IQCM: variants seen among roughly 807,000 people sequenced by gnomAD.
IQCM encodes the protein IQ motif containing M.
Under a neutral mutation model 57.6 loss-of-function variants are expected in IQCM, and 45 were observed. That is an observed-to-expected ratio of 0.78 (90% CI 0.62 to 1.00). The LOEUF (loss-of-function observed/expected upper bound fraction) is 1.00, where lower values mean the gene tolerates loss of function less well. IQCM is among the 50% of genes least tolerant of loss of function. IQCM has a pLI of 0.00. For missense variants in IQCM, 468 were observed against 511.6 expected (o/e 0.91, Z 0.82); for synonymous variants, 148 against 158.9 (o/e 0.93, Z 0.51).
At chr4:149,744,795 C>T (rs1162885020) in intron 2 of IQCM, among the ~76,000 whole-genome samples, 1 of 151,916 alleles carries the variant, frequency 6.6e-6, no homozygotes. Flanking sequence ...ATATTTAGTG[C>T]CTGAGCTGTG....
intron 9 of IQCM, among the ~76,000 whole-genome samples, chr4:149,584,101 AT>A (rs1752452802): frequency 6.6e-6 from 1 of 151,596 alleles, no homozygotes; most frequent in Non-Finnish European, 1.5e-5. Flanking sequence ...GAGGTATTTA[AT>A]TTTTTAAGAC....
chr4:149,690,626 G>A (rs1000434574), intron 5 of IQCM, among the ~76,000 whole-genome samples: 5 of 152,062 alleles, frequency 3.3e-5, no homozygotes, highest in African/African-American at 1.2e-4. Context: ...CATAGATTAT[G>A]TGCAAATACA....
chr4:149,388,585 TATATACATATATACAC>T (rs1731608796), intron 13 of IQCM, among the ~76,000 whole-genome samples: 1 of 99,616 alleles, frequency 1.0e-5, no homozygotes, highest in Non-Finnish European at 2.0e-5. Flanking sequence ...TATATATACA[TATATACATATATACAC>T]ATATATAGGC....
chr4:149,711,327 CTG>C (rs1764544816), intron 5 of IQCM, among the ~76,000 whole-genome samples: 1 of 152,170 alleles, frequency 6.6e-6, no homozygotes, highest in Non-Finnish European at 1.5e-5. Context: ...ATGTAGCACA[CTG>C]TATGAATTAA....
At chr4:149,660,218 AAC>A (rs1388407581) in intron 7 of IQCM, among the ~76,000 whole-genome samples, 1 of 150,632 alleles carries the variant, frequency 6.6e-6, no homozygotes. Context: ...GCAGCCAAAA[AAC>A]ACATGAAAAA....
At chr4:149,726,082 A>AGAAG (rs1765877967) in intron 5 of IQCM, among the ~76,000 whole-genome samples, 1 of 123,876 alleles carries the variant, frequency 8.1e-6, no homozygotes, top group Non-Finnish European at 1.9e-5. Flanking sequence ...AAAGAAAGAA[A>AGAAG]GAAAGAAAGA....
At chr4:149,627,954 G>C (rs185317543) in intron 7 of IQCM, among the ~76,000 whole-genome samples, 5 of 152,172 alleles carry the variant, frequency 3.3e-5, no homozygotes, top group Non-Finnish European at 1.5e-5. Context: ...AAGGAATGCA[G>C]GTGGCCTCCA....
intron 10 of IQCM, among the ~76,000 whole-genome samples, chr4:149,555,683 A>G (rs1749512383): frequency 6.6e-6 from 1 of 152,138 alleles, no homozygotes; most frequent in African/African-American, 2.4e-5. Context: ...GCTTAAATCT[A>G]TAAGTGGATT....
intron 2 of IQCM, among the ~76,000 whole-genome samples, chr4:149,814,200 T>C (rs1173533250): frequency 6.6e-6 from 1 of 151,976 alleles, no homozygotes. Flanking sequence ...TACAGAGAAT[T>C]ATGTTTTAAA....
In IQCM at chr4:149,445,460, G is replaced by A. The variant is rs975647694; in HGVS notation, c.1229-11903C>T. 5.9e-5 allele frequency among the ~76,000 whole-genome samples: 9 copies of A among 151,796 alleles called. 1 individual carries two copies. In the South Asian group the frequency reaches 1.5e-3, roughly 25 times the overall value. ...GGTATATAATTTAAAAATTAAGATT[G>A]AAGTCAATATAATAAACCATCCACC... On this transcript the variant is annotated intron_variant, in intron 12 of 13. Coordinates refer to ENST00000636793, the MANE Select transcript of IQCM (RefSeq NM_001363507.2).
At chr4:149,364,227 A>G (rs982027674) in intron 13 of IQCM, among the ~76,000 whole-genome samples, 6 of 152,166 alleles carry the variant, frequency 3.9e-5, no homozygotes, top group Non-Finnish European at 8.8e-5. Flanking sequence ...CTCAACGATA[A>G]AAGTCACATA....
At chr4:149,498,460 G>A (rs1045985204) in intron 12 of IQCM, among the ~76,000 whole-genome samples, 4 of 152,218 alleles carry the variant, frequency 2.6e-5, no homozygotes, top group South Asian at 4.1e-4. Flanking sequence ...GCCAGGCTTC[G>A]ACTTCCTTGT....
chr4:149,540,482 G>C (rs747131959), intron 12 of IQCM, among the ~76,000 whole-genome samples: 5 of 151,770 alleles, frequency 3.3e-5, no homozygotes, highest in Non-Finnish European at 5.9e-5. Context: ...GCAGATCAGT[G>C]GTTGGTTGGG....
chr4:149,465,667 C>A (rs1448007372), intron 12 of IQCM, among the ~76,000 whole-genome samples: 1 of 152,028 alleles, frequency 6.6e-6, no homozygotes, highest in African/African-American at 2.4e-5. Flanking sequence ...AGGACCCTCT[C>A]CCAAGTCAAA....
chr4:149,501,504 T>C (rs1743235363), intron 12 of IQCM, among the ~76,000 whole-genome samples: 1 of 152,080 alleles, frequency 6.6e-6, no homozygotes, highest in Non-Finnish European at 1.5e-5. Context: ...AAGGGCCTGC[T>C]CATTGCTCCA....
chr4:149,712,440 A>T (rs1652391275), intron 5 of IQCM, among the ~76,000 whole-genome samples: 1 of 152,174 alleles, frequency 6.6e-6, no homozygotes, highest in Admixed American at 6.5e-5. Flanking sequence ...CCTCCATGGT[A>T]CATAGATCAG....
chr4:149,622,039 TA>T (rs1184373067), intron 7 of IQCM, among the ~76,000 whole-genome samples: 1 of 152,204 alleles, frequency 6.6e-6, no homozygotes, highest in Non-Finnish European at 1.5e-5. Flanking sequence ...TGCTTAGTTT[TA>T]CATAAATTTA....
At chr4:149,619,587 G>A (rs1025145019) in intron 8 of IQCM, among the ~76,000 whole-genome samples, 21 of 152,078 alleles carry the variant, frequency 1.4e-4, no homozygotes, top group Admixed American at 5.9e-4. Flanking sequence ...AAAAGTTTTG[G>A]TTTACAGAAA....
intron 12 of IQCM, among the ~76,000 whole-genome samples, chr4:149,513,878 T>A (rs1188614515): frequency 6.6e-6 from 1 of 152,098 alleles, no homozygotes; most frequent in Non-Finnish European, 1.5e-5. Flanking sequence ...CATGCCAAGT[T>A]TATGACATAA....
Sources: allele counts gnomAD v4.1 joint callset (sites outside exome capture counted in the v4.1 genomes callset), GRCh38; gene constraint gnomAD v4.1.1; transcripts MANE v1.5; gene names NCBI Gene and HGNC (gene_info 2026-07-23, HGNC 2026-07-21).